The following ANXA8 variants were observed in gnomAD, a reference collection of about 807,000 sequenced individuals.
ANXA8 encodes the protein annexin A8, also known as VAC-beta.
A neutral mutation model predicts 26.8 loss-of-function variants in ANXA8; 9 were observed. The observed-to-expected ratio is 0.34, with a 90% CI of 0.20 to 0.59. The LOEUF (loss-of-function observed/expected upper bound fraction) is 0.59, where lower values mean the gene tolerates loss of function less well. ANXA8 is among the 20% of genes least tolerant of loss of function. ANXA8 has a pLI of 0.84. For synonymous variants in ANXA8, 39 were observed against 94.8 expected (o/e 0.41, Z 3.42); for missense variants, 83 against 238.5 (o/e 0.35, Z 4.29).
chr10:47,939,280 G>T, the ANXA8 span, among the ~76,000 whole-genome samples: 302 of 126,170 alleles, frequency 2.4e-3, 9 homozygotes, highest in Non-Finnish European at 7.2e-4. Context: ...TCCAGCCTGG[G>T]CACTAAGAGC....
intron 11 of ANXA8, among the ~76,000 whole-genome samples, chr10:47,469,337 G>A (rs1839236775): frequency 1.3e-5 from 2 of 151,942 alleles, no homozygotes; most frequent in East Asian, 2.0e-4. Flanking sequence ...GGCCGGGGGT[G>A]GAGGGAGCCT....
At chr10:47,703,126 T>C in the ANXA8 span, among the ~76,000 whole-genome samples, 1 of 151,418 alleles carries the variant, frequency 6.6e-6, no homozygotes, top group Non-Finnish European at 1.5e-5. Flanking sequence ...ATAATGATAG[T>C]ATTGGATTAG....
At chr10:47,580,595 C>G in the ANXA8 span, among the ~76,000 whole-genome samples, 1 of 149,652 alleles carries the variant, frequency 6.7e-6, no homozygotes, top group Non-Finnish European at 1.5e-5. Flanking sequence ...TTAAAATTAG[C>G]TGGGTGTAGT....
At chr10:47,709,601 G>GT in the ANXA8 span, among the ~76,000 whole-genome samples, 15,950 of 140,896 alleles carry the variant, frequency 0.11, 114 homozygotes, top group African/African-American at 0.17. Context: ...ATATTACAAT[G>GT]TAGCACATGC....
At chr10:47,737,476 T>C in the ANXA8 span, among the ~76,000 whole-genome samples, 2 of 151,662 alleles carry the variant, frequency 1.3e-5, no homozygotes, top group Non-Finnish European at 2.9e-5. Flanking sequence ...GAAATTATTA[T>C]TCCTGCTAGC....
chr10:47,692,622 CA>C, the ANXA8 span: 7 of 112,918 alleles, frequency 6.2e-5, no homozygotes, highest in Admixed American at 5.8e-4. Context: ...AAGCTTAGTG[CA>C]AACACCTGAT....
chr10:47,705,354 G>A, the ANXA8 span, among the ~76,000 whole-genome samples: 1 of 133,376 alleles, frequency 7.5e-6, no homozygotes, highest in Non-Finnish European at 1.6e-5. Flanking sequence ...ATGAATGATA[G>A]CTAAATGGCT....
chr10:47,979,022 G>A, the ANXA8 span, among the ~76,000 whole-genome samples: 2 of 151,714 alleles, frequency 1.3e-5, no homozygotes, highest in Non-Finnish European at 3.0e-5. Context: ...GGAGTGGCTA[G>A]TTATACTAAC....
At chr10:47,511,180 T>C in the ANXA8 span, among the ~76,000 whole-genome samples, 13,207 of 130,724 alleles carry the variant, frequency 0.1, 2,376 homozygotes, top group African/African-American at 0.34. Flanking sequence ...CCTCACCTCG[T>C]GATCTGCCTG....
At chr10:47,587,493 T>C in the ANXA8 span, among the ~76,000 whole-genome samples, 1 of 146,398 alleles carries the variant, frequency 6.8e-6, no homozygotes, top group Non-Finnish European at 1.5e-5. Flanking sequence ...CCTTTCCACA[T>C]AGACTTGATT....
the ANXA8 span, among the ~76,000 whole-genome samples, chr10:47,632,224 C>T: frequency 1.3e-4 from 19 of 150,472 alleles, no homozygotes; most frequent in Admixed American, 1.1e-3. Context: ...ACCATATAGA[C>T]ACAGGAAAAA....
chr10:47,646,157 T>C, the ANXA8 span, among the ~76,000 whole-genome samples: 1 of 147,806 alleles, frequency 6.8e-6, no homozygotes, highest in Non-Finnish European at 1.5e-5. Context: ...TACCTCTATG[T>C]CTACATCTGT....
chr10:47,733,219 T>TTCTCTCTCTCTCTCTCTCTC, the ANXA8 span, among the ~76,000 whole-genome samples: 1 of 68,038 alleles, frequency 1.5e-5, no homozygotes, highest in Non-Finnish European at 3.1e-5. Flanking sequence ...CTTTCTTTCT[T>TTCTCTCTCTCTCTCTCTCTC]TCTCTTTCTT....
At chr10:47,750,919 G>T in the ANXA8 span, 1 of 150,958 alleles carries the variant, frequency 6.6e-6, no homozygotes, top group Non-Finnish European at 1.5e-5. Context: ...ACATTCAACA[G>T]TCAATTAGTA....
chr10:47,693,773 C>T, the ANXA8 span, among the ~76,000 whole-genome samples: 59 of 151,178 alleles, frequency 3.9e-4, 1 homozygote, highest in Admixed American at 2.2e-3. Flanking sequence ...TGTGATTTGG[C>T]TTTCTAGTTG....
chr10:47,567,127 G>A, the ANXA8 span, among the ~76,000 whole-genome samples: 7 of 111,246 alleles, frequency 6.3e-5, no homozygotes, highest in East Asian at 2.2e-4. Context: ...GAGTTCAGGC[G>A]CCAGCCAAGC....
the ANXA8 span, among the ~76,000 whole-genome samples, chr10:47,546,213 GAA>G: frequency 8.2e-6 from 1 of 122,502 alleles, no homozygotes. Context: ...TCTCCTCACA[GAA>G]AAAAAAAAAA....
At chr10:47,768,315 C>T in the ANXA8 span, among the ~76,000 whole-genome samples, 1 of 151,562 alleles carries the variant, frequency 6.6e-6, no homozygotes, top group East Asian at 1.9e-4. Context: ...GCTCAGTCAC[C>T]AGGCATGCAT....
chr10:47,548,528 C>T, the ANXA8 span, among the ~76,000 whole-genome samples: 15 of 152,126 alleles, frequency 9.9e-5, no homozygotes, highest in East Asian at 1.7e-3. Flanking sequence ...CTCGAACTCC[C>T]GACCTCAGGT....
Sources: allele counts gnomAD v4.1 joint callset (sites outside exome capture counted in the v4.1 genomes callset), GRCh38; gene constraint gnomAD v4.1.1; transcripts MANE v1.5; gene names NCBI Gene and HGNC (gene_info 2026-07-23, HGNC 2026-07-21).